Variants in CLSTN2 observed in about 807,000 individuals in gnomAD.
CLSTN2 encodes calsyntenin-2.
CLSTN2 carries 48 observed loss-of-function variants against 101.2 expected under a neutral mutation model. The ratio of observed to expected loss-of-function variants is 0.47; its 90% CI spans 0.38 to 0.60. CLSTN2 has a LOEUF of 0.60. CLSTN2 is among the 20% of genes least tolerant of loss of function. The pLI, the probability that CLSTN2 is intolerant of heterozygous loss-of-function variation, is 0.00. For missense variants in CLSTN2, 1,160 were observed against 1,238.2 expected (o/e 0.94, Z 0.95); for synonymous variants, 481 against 463.6 (o/e 1.04, Z -0.48).
At chr3:140,084,221 C>G (rs558472034) in intron 1 of CLSTN2, among the ~76,000 whole-genome samples, 82 of 152,268 alleles carry the variant, frequency 5.4e-4, no homozygotes, top group African/African-American at 1.9e-3. Context: ...CCACCACATG[C>G]TTGCAACATC....
chr3:140,426,731 G>C (rs907579007), intron 5 of CLSTN2, among the ~76,000 whole-genome samples: 1 of 152,174 alleles, frequency 6.6e-6, no homozygotes, highest in African/African-American at 2.4e-5. Flanking sequence ...GTTATATGGG[G>C]CCCAGCAAGA....
intron 9 of CLSTN2, among the ~76,000 whole-genome samples, chr3:140,545,582 C>T (rs376736437): frequency 2.2e-4 from 33 of 152,294 alleles, no homozygotes; most frequent in African/African-American, 4.8e-4. Flanking sequence ...GAAGGTTGCT[C>T]AGAGATGGAA....
At chr3:140,126,780 G>A (rs2009440397) in intron 1 of CLSTN2, among the ~76,000 whole-genome samples, 1 of 152,046 alleles carries the variant, frequency 6.6e-6, no homozygotes, top group Non-Finnish European at 1.5e-5. Flanking sequence ...AATGTTCACT[G>A]AGAGCCTGAA....
chr3:140,129,318 G>T (rs114263168), intron 1 of CLSTN2, among the ~76,000 whole-genome samples: 1 of 152,134 alleles, frequency 6.6e-6, no homozygotes, highest in Non-Finnish European at 1.5e-5. Flanking sequence ...GGTACTCCTT[G>T]TCAGTAGCTT....
chr3:140,282,607 C>T (rs938773952), intron 2 of CLSTN2, among the ~76,000 whole-genome samples: 1 of 127,642 alleles, frequency 7.8e-6, no homozygotes, highest in African/African-American at 2.7e-5. Flanking sequence ...CTGTGACTTT[C>T]TTTTTTTGGT....
At chr3:140,045,365 G>C (rs2007854341) in intron 1 of CLSTN2, among the ~76,000 whole-genome samples, 1 of 152,106 alleles carries the variant, frequency 6.6e-6, no homozygotes. Context: ...GGGATCGGTG[G>C]TGATATCCCC....
intron 1 of CLSTN2, among the ~76,000 whole-genome samples, chr3:140,048,214 G>T (rs545188636): frequency 2.0e-5 from 3 of 152,182 alleles, no homozygotes; most frequent in Middle Eastern, 3.4e-3. Flanking sequence ...TTAAATGCAC[G>T]GCTATTAAAA....
At chr3:140,132,106 G>A (rs1019720252) in intron 1 of CLSTN2, among the ~76,000 whole-genome samples, 2 of 152,260 alleles carry the variant, frequency 1.3e-5, no homozygotes, top group East Asian at 3.9e-4. Context: ...CTCACATGGA[G>A]AACTGCAATT....
intron 1 of CLSTN2, among the ~76,000 whole-genome samples, chr3:140,135,113 CACACATATATATATATATATATATAT>C (rs1288344917): frequency 1.3e-4 from 7 of 52,084 alleles, no homozygotes; most frequent in African/African-American, 8.5e-4. Flanking sequence ...CACACACACA[CACACATATATATATATATATATATAT>C]ATATATATAT....
At chr3:140,294,965 T>C (rs527580374) in intron 2 of CLSTN2, among the ~76,000 whole-genome samples, 16 of 152,310 alleles carry the variant, frequency 1.1e-4, no homozygotes, top group African/African-American at 2.4e-4. Context: ...TTTGTCCTTA[T>C]GACCTAATTA....
At chr3:140,215,703 A>G (rs899611090) in intron 2 of CLSTN2, among the ~76,000 whole-genome samples, 10 of 152,180 alleles carry the variant, frequency 6.6e-5, no homozygotes, top group Admixed American at 1.3e-4. Flanking sequence ...TGCACAAGTA[A>G]CTTACCCTCC....
At chr3:139,952,433 T>C (rs1286920147) in intron 1 of CLSTN2, among the ~76,000 whole-genome samples, 1 of 147,332 alleles carries the variant, frequency 6.8e-6, no homozygotes, top group East Asian at 2.1e-4. Context: ...ACTAAAATGC[T>C]TCCTTCTCCG....
At chr3:140,245,895 C>T (rs544872199) in intron 2 of CLSTN2, among the ~76,000 whole-genome samples, 1 of 152,282 alleles carries the variant, frequency 6.6e-6, no homozygotes, top group South Asian at 2.1e-4. Flanking sequence ...GTGGCCCATG[C>T]TCTAGCCTGC....
At chr3:140,419,074 T>A (rs2107989189) in intron 4 of CLSTN2, among the ~76,000 whole-genome samples, 1 of 152,180 alleles carries the variant, frequency 6.6e-6, no homozygotes, top group East Asian at 1.9e-4. Context: ...CTTTTCTAAT[T>A]TTCCAAGCTT....
At chr3:140,052,299 C>T (rs1261717950) in intron 1 of CLSTN2, among the ~76,000 whole-genome samples, 1 of 152,188 alleles carries the variant, frequency 6.6e-6, no homozygotes, top group African/African-American at 2.4e-5. Flanking sequence ...GCTGGGACTA[C>T]AGGCGCACGC....
intron 8 of CLSTN2, among the ~76,000 whole-genome samples, chr3:140,513,308 T>C (rs1247222959): frequency 6.6e-6 from 1 of 152,202 alleles, no homozygotes; most frequent in African/African-American, 2.4e-5. Flanking sequence ...TTGAGAGTTT[T>C]TAACATGAAG....
At chr3:140,234,298 C>T (rs773288241) in intron 2 of CLSTN2, among the ~76,000 whole-genome samples, 18 of 152,144 alleles carry the variant, frequency 1.2e-4, no homozygotes, top group Non-Finnish European at 2.2e-4. Flanking sequence ...CTGCTGCTGC[C>T]GCAGCTGCTG....
At chr3:140,104,590 A>G (rs930632542) in intron 1 of CLSTN2, among the ~76,000 whole-genome samples, 1 of 152,224 alleles carries the variant, frequency 6.6e-6, no homozygotes, top group Non-Finnish European at 1.5e-5. Flanking sequence ...TTTACCCCAT[A>G]AAGTGTAGCT....
chr3:140,228,725 G>A (rs2086345532), intron 2 of CLSTN2, among the ~76,000 whole-genome samples: 1 of 152,192 alleles, frequency 6.6e-6, no homozygotes, highest in Non-Finnish European at 1.5e-5. Context: ...AAGGCAAGGA[G>A]GAGCAAGTCA....
Sources: allele counts gnomAD v4.1 joint callset (sites outside exome capture counted in the v4.1 genomes callset), GRCh38; gene constraint gnomAD v4.1.1; transcripts MANE v1.5; gene names NCBI Gene and HGNC (gene_info 2026-07-23, HGNC 2026-07-21).